INPP5A: variants seen among roughly 807,000 people sequenced by gnomAD.
INPP5A encodes inositol polyphosphate-5-phosphatase A.
In INPP5A, 14 loss-of-function variants were observed where a neutral mutation model predicts 65.2. That is an observed-to-expected ratio of 0.21 (90% CI 0.14 to 0.34). The LOEUF (loss-of-function observed/expected upper bound fraction) is 0.34, where lower values mean the gene tolerates loss of function less well. Among genes scored for constraint, INPP5A ranks in the 10% least tolerant of loss-of-function variants. INPP5A has a pLI of 1.00. For synonymous variants in INPP5A, 207 were observed against 208.3 expected (o/e 0.99, Z 0.05); for missense variants, 431 against 545.6 (o/e 0.79, Z 2.09).
At chr10:132,739,343 G>A (rs993696749) in intron 9 of INPP5A, among the ~76,000 whole-genome samples, 2 of 152,176 alleles carry the variant, frequency 1.3e-5, no homozygotes, top group South Asian at 2.1e-4. Flanking sequence ...AAGTCTGGCC[G>A]GGGTCCCTCT....
At chr10:132,618,949 A>C (rs562023747) in intron 2 of INPP5A, among the ~76,000 whole-genome samples, 1 of 152,194 alleles carries the variant, frequency 6.6e-6, no homozygotes, top group Admixed American at 6.5e-5. Context: ...CTCCTCTAAC[A>C]CTGGGGACAC....
Position 132,756,709 on chromosome 10 carries a change from A to G in INPP5A, c.903+6864A>G, listed in dbSNP as rs185745375. On this transcript the variant is annotated intron_variant, in intron 11 of 15. Transcript: ENST00000368594. ...TCCCACACTTCTTACCATTACTGTA[A>G]TGCACTCCTTCTACTTAATAAAAAA... Among the ~76,000 whole-genome samples the G allele has an allele frequency of 5.0e-3, 755 of 152,296 alleles. 4 individuals carry two copies. The highest frequency in any genetic ancestry group is 0.014 in the Middle Eastern group (4 of 294).
At chr10:132,710,223 CCGCA>C (rs2134530154) in intron 7 of INPP5A, 110 bp from the exon 8 acceptor site, 1 of 1,291,140 alleles carries the variant, frequency 7.7e-7, no homozygotes, top group East Asian at 2.5e-5. Context: ...TCGGGTGGCT[CCGCA>C]CGGCGGAGGC....
intron 12 of INPP5A, among the ~76,000 whole-genome samples, chr10:132,769,399 T>C (rs1486355430): frequency 1.3e-5 from 2 of 152,222 alleles, no homozygotes; most frequent in Non-Finnish European, 2.9e-5. Context: ...TTGGGCTGCC[T>C]CTGCCTCTGC....
At chr10:132,700,331 G>C (rs903527323) in intron 6 of INPP5A, among the ~76,000 whole-genome samples, 1 of 152,190 alleles carries the variant, frequency 6.6e-6, no homozygotes, top group African/African-American at 2.4e-5. Context: ...TGGCTGGGAC[G>C]GGGGGCCAGC....
rs147927081 is a variant in INPP5A at position 132,776,915 on chromosome 10, A to G, written c.978-756A>G. Among the ~76,000 whole-genome samples the G allele has an allele frequency of 2.7e-3, 412 of 152,256 alleles. 1 individual carries two copies. The highest frequency in any genetic ancestry group is 4.0e-3 in the Non-Finnish European group (270 of 68,012). On this transcript the variant is annotated intron_variant, in intron 12 of 15. Transcript: ENST00000368594. The stretch of plus-strand genomic sequence containing the variant: ...CTCTGCTGTGTGAGGGCGGGGGCCA[A>G]TGGCTCAGAGACACAGCAAGGCCGC...
chr10:132,684,833 C>T lies in INPP5A; in HGVS notation c.307-5559C>T, dbSNP rs545622618. Among the ~76,000 whole-genome samples the T allele has an allele frequency of 1.1e-3, 161 of 152,294 alleles. 2 individuals are homozygous for T. The highest frequency in any genetic ancestry group is 2.4e-4 in the Non-Finnish European group (16 of 68,018). On this transcript the variant is annotated intron_variant, in intron 4 of 15. Transcript: ENST00000368594. ...GTCAGAGCCCAGGTGAGCATGGTTT[C>T]GTGCCCCTGGGCTCCTGCGTGAGGC...
intron 4 of INPP5A, among the ~76,000 whole-genome samples, chr10:132,672,354 G>A (rs763460915): frequency 3.9e-5 from 6 of 152,162 alleles, no homozygotes; most frequent in African/African-American, 7.2e-5. Context: ...GTTTGGCTGC[G>A]TCCCCACCCA....
rs1382107010 is a variant in INPP5A, at chr10:132,698,097, G to A, written c.474+178G>A. Reference sequence around the variant, plus strand: ...CTGTGGTTGGTCTGGGCTGTCACACGTAAGGGCAGTGAGAATCTAAGGCAT... The same window carrying A: ...CTGTGGTTGGTCTGGGCTGTCACACATAAGGGCAGTGAGAATCTAAGGCAT... On this transcript the variant is annotated intron_variant, in intron 6 of 15. Transcript: ENST00000368594. This position sits in a 1 kb window ranked among gnomAD's most constrained non-coding sequence, Gnocchi z 5.5. Among the ~76,000 whole-genome samples the A allele has an allele frequency of 1.3e-5, 2 of 152,220 alleles. No individual in the cohort carries two copies. Among genetic ancestry groups the A allele is most frequent in the Non-Finnish European group, 2.9e-5 (2 of 68,038 alleles).
chr10:132,655,289 G>A (rs1436416127), intron 4 of INPP5A, among the ~76,000 whole-genome samples: 1 of 152,228 alleles, frequency 6.6e-6, no homozygotes, highest in Non-Finnish European at 1.5e-5. Context: ...CACAGCACTG[G>A]AGACAGGGCT....
rs979709387 is a variant in INPP5A at position 132,609,817 on chromosome 10, G to C, written c.117+1861G>C. Among the ~76,000 whole-genome samples the C allele has an allele frequency of 2.0e-5, 3 of 152,036 alleles. No individual in the cohort carries two copies. The South Asian group carries it at 6.2e-4, about 32-fold the overall frequency. ...CCGCCACCATGCCCGGCTAATTTTT[G>C]TATTTTTAGTAGAGACGGGGTTTCA... is the stretch of plus-strand genomic sequence containing the variant. On this transcript the variant is annotated intron_variant, in intron 2 of 15. Transcript: ENST00000368594.
chr10:132,561,356 A>G (rs1477329997), intron 1 of INPP5A, among the ~76,000 whole-genome samples: 1 of 151,664 alleles, frequency 6.6e-6, no homozygotes, highest in Non-Finnish European at 1.5e-5. Flanking sequence ...TAGGTCTTTG[A>G]AATATTTTGA....
At chr10:132,542,309 C>T (rs1269728751) in intron 1 of INPP5A, among the ~76,000 whole-genome samples, 1 of 152,198 alleles carries the variant, frequency 6.6e-6, no homozygotes, top group Non-Finnish European at 1.5e-5. Context: ...GGCAAGTGCT[C>T]GCTGGCAGGG....
intron 8 of INPP5A, among the ~76,000 whole-genome samples, chr10:132,721,483 C>T (rs1265706407): frequency 6.9e-6 from 1 of 144,126 alleles, no homozygotes; most frequent in Non-Finnish European, 1.5e-5. Context: ...CGGCTGTCTT[C>T]AGGGTTCTGT....
intron 8 of INPP5A, among the ~76,000 whole-genome samples, chr10:132,716,361 C>T (rs12266783): frequency 0.024 from 3,597 of 152,302 alleles, 132 homozygotes; most frequent in African/African-American, 0.081. Context: ...TGGAGGCAAG[C>T]GTCGACGTGA....
intron 1 of INPP5A, among the ~76,000 whole-genome samples, chr10:132,602,496 T>C (rs2071789123): frequency 6.6e-6 from 1 of 152,162 alleles, no homozygotes; most frequent in Non-Finnish European, 1.5e-5. Flanking sequence ...GGTTTTGTCA[T>C]GTTGGCCAGG....
chr10:132,775,194 G>GGCAGGGAGGAGGA, intron 12 of INPP5A, among the ~76,000 whole-genome samples: 1 of 125,506 alleles, frequency 8.0e-6, no homozygotes, highest in Non-Finnish European at 1.7e-5. Context: ...GAGAGGGAGG[G>GGCAGGGAGGAGGA]GCAGGGAGGA....
chr10:132,765,179 G>A (rs962998549), intron 11 of INPP5A, among the ~76,000 whole-genome samples: 3 of 151,938 alleles, frequency 2.0e-5, no homozygotes, highest in Non-Finnish European at 4.4e-5. Context: ...TCAGAAACAC[G>A]GTGGGCCAGT....
In INPP5A at chr10:132,550,219, T is replaced by A. The variant is rs767882910; in HGVS notation, c.75+12048T>A. On this transcript the variant is annotated intron_variant, in intron 1 of 15. Transcript: ENST00000368594. This position sits in a 1 kb window ranked among gnomAD's most constrained non-coding sequence, Gnocchi z 4.2. ...AGCAGAGAGAGCTTAGGAGACCACA[T>A]TGCCACTGTTTAGGGTCAGAGTGGT... 3.9e-5 allele frequency among the ~76,000 whole-genome samples: 6 copies of A among 152,206 alleles called. No individual in the cohort carries two copies. Among genetic ancestry groups the A allele is most frequent in the Non-Finnish European group, 8.8e-5 (6 of 68,030 alleles).
Sources: allele counts gnomAD v4.1 joint callset (sites outside exome capture counted in the v4.1 genomes callset), GRCh38; gene constraint gnomAD v4.1.1; non-coding constraint Gnocchi (gnomAD v3.1); transcripts MANE v1.5; gene names NCBI Gene and HGNC (gene_info 2026-07-23, HGNC 2026-07-21).